The following GRID2 variants were observed in gnomAD, a reference collection of about 807,000 sequenced individuals.
The protein encoded by GRID2 is glutamate ionotropic receptor delta type subunit 2.
GRID2 carries 33 observed loss-of-function variants against 114.8 expected under a neutral mutation model. The observed-to-expected ratio is 0.29, with a 90% CI of 0.22 to 0.38. The LOEUF is 0.38. Among genes scored for constraint, GRID2 ranks in the 10% least tolerant of loss-of-function variants. The probability of loss-of-function intolerance (pLI) is 1.00; values close to 1 mark genes in which losing one functional copy is unlikely to be tolerated. For synonymous variants in GRID2, 505 were observed against 449.9 expected (o/e 1.12, Z -1.55); for missense variants, 1,184 against 1,257.7 (o/e 0.94, Z 0.89).
chr4:92,658,450 G>C (rs1732352317), intron 2 of GRID2, among the ~76,000 whole-genome samples: 1 of 151,714 alleles, frequency 6.6e-6, no homozygotes, highest in Non-Finnish European at 1.5e-5. Context: ...AATTAGATTA[G>C]CCACGCTGGT....
intron 4 of GRID2, among the ~76,000 whole-genome samples, chr4:93,190,180 GT>G (rs1220721581): frequency 2.4e-4 from 36 of 151,784 alleles, no homozygotes; most frequent in Admixed American, 6.6e-4. Context: ...TAACACTTTT[GT>G]TTTTTATTAA....
chr4:93,291,172 C>A (rs1554026481), intron 8 of GRID2, among the ~76,000 whole-genome samples: 1 of 151,534 alleles, frequency 6.6e-6, no homozygotes, highest in Non-Finnish European at 1.5e-5. Flanking sequence ...CGTGCCCGGC[C>A]GGCATACAAG....
intron 1 of GRID2, among the ~76,000 whole-genome samples, chr4:92,512,840 CT>C (rs1277848472): frequency 6.6e-6 from 1 of 151,682 alleles, no homozygotes; most frequent in Non-Finnish European, 1.5e-5. Context: ...TATAGTTATT[CT>C]TTTTACTCTG....
At chr4:92,573,578 T>G (rs1727732692) in intron 1 of GRID2, among the ~76,000 whole-genome samples, 1 of 152,218 alleles carries the variant, frequency 6.6e-6, no homozygotes, top group African/African-American at 2.4e-5. Context: ...TACCCAAAAG[T>G]CATTCAGGAG....
chr4:92,347,254 T>A (rs17317393), intron 1 of GRID2, among the ~76,000 whole-genome samples: 1 of 152,176 alleles, frequency 6.6e-6, no homozygotes. Context: ...AATATTAGGA[T>A]AGTTCAGTGT....
intron 1 of GRID2, among the ~76,000 whole-genome samples, chr4:92,522,612 G>C (rs1157267874): frequency 6.6e-6 from 1 of 151,932 alleles, no homozygotes; most frequent in Non-Finnish European, 1.5e-5. Context: ...GCTAGTAGTG[G>C]AAGTGGTGAG....
At chr4:92,790,745 T>C (rs1311359229) in intron 2 of GRID2, among the ~76,000 whole-genome samples, 1 of 150,968 alleles carries the variant, frequency 6.6e-6, no homozygotes, top group African/African-American at 2.4e-5. Flanking sequence ...AAAAAAAGTG[T>C]TTTTAAAATA....
Position 93,515,412 on chromosome 4 carries a change from G to A in GRID2, c.2193+1G>A. On this transcript the variant is annotated splice_donor_variant, in intron 13 of 15. Transcript: ENST00000282020. LOFTEE classifies it high-confidence loss of function. ...GGAGTCCCAGGCAGGCATTCAAAAG[G>A]TACTGTCCATGGTTCTCCTTTAATA... 6.3e-7 allele frequency: 1 copy of A among 1,594,728 alleles called. No homozygotes were observed. The highest frequency in any genetic ancestry group is 8.6e-7 in the Non-Finnish European group (1 of 1,163,248).
chr4:93,433,571 T>G (rs75056179), intron 10 of GRID2, among the ~76,000 whole-genome samples: 1,752 of 152,224 alleles, frequency 0.012, 19 homozygotes, highest in South Asian at 0.051. Context: ...AACAAGTATA[T>G]TTTTTGCCCA....
intron 13 of GRID2, among the ~76,000 whole-genome samples, chr4:93,536,952 A>C (rs2149521816): frequency 6.6e-6 from 1 of 151,600 alleles, no homozygotes; most frequent in African/African-American, 2.4e-5. Flanking sequence ...TTGGTGACAT[A>C]CCTCGCATTG....
chr4:93,059,548 A>T (rs1204931037), intron 2 of GRID2, among the ~76,000 whole-genome samples: 2 of 152,096 alleles, frequency 1.3e-5, no homozygotes, highest in African/African-American at 4.8e-5. Flanking sequence ...GTTAAGAGCC[A>T]CTGGACTAAT....
At chr4:92,625,558 C>T (rs1041177109) in intron 2 of GRID2, among the ~76,000 whole-genome samples, 1 of 151,790 alleles carries the variant, frequency 6.6e-6, no homozygotes, top group Non-Finnish European at 1.5e-5. Context: ...GGCTTTATAT[C>T]AAGAAAGCCT....
At position 93,349,056 on chromosome 4, in the gene GRID2, A is replaced by G. The variant is rs569382764; in HGVS notation, c.1246-46551A>G. Among the ~76,000 whole-genome samples the G allele has an allele frequency of 4.1e-4, 63 of 152,246 alleles. 1 individual carries two copies. In the South Asian group the frequency reaches 0.012, roughly 30 times the overall value. ...TTCCATTCACATCTTCGCTTGATAG[A>G]TGCAGTCAGAATGGCAGGCGAGAAA... On this transcript the variant is annotated intron_variant, in intron 8 of 15. Coordinates refer to ENST00000282020, the MANE Select transcript of GRID2 (RefSeq NM_001510.4).
At chr4:92,734,678 T>C (rs763196898) in intron 2 of GRID2, among the ~76,000 whole-genome samples, 1 of 152,114 alleles carries the variant, frequency 6.6e-6, no homozygotes, top group Non-Finnish European at 1.5e-5. Context: ...GTGATTAAAT[T>C]TAGAACATTT....
At chr4:92,386,517 G>A (rs2110250917) in intron 1 of GRID2, among the ~76,000 whole-genome samples, 1 of 151,814 alleles carries the variant, frequency 6.6e-6, no homozygotes, top group Middle Eastern at 3.4e-3. Flanking sequence ...AAGTAGCATT[G>A]TACTTACAGC....
chr4:93,573,947 A>G (rs1297954560), intron 13 of GRID2, among the ~76,000 whole-genome samples: 1 of 152,192 alleles, frequency 6.6e-6, no homozygotes, highest in Non-Finnish European at 1.5e-5. Flanking sequence ...ACAGGAAATT[A>G]TTTCAGCACT....
At chr4:92,683,445 C>G (rs1733750110) in intron 2 of GRID2, among the ~76,000 whole-genome samples, 2 of 152,128 alleles carry the variant, frequency 1.3e-5, no homozygotes, top group East Asian at 3.9e-4. Context: ...TTTACCAAGT[C>G]ATTATTATCA....
intron 1 of GRID2, among the ~76,000 whole-genome samples, chr4:92,456,689 C>T (rs947170411): frequency 1.3e-5 from 2 of 151,938 alleles, no homozygotes; most frequent in Non-Finnish European, 2.9e-5. Context: ...GACAGTTATG[C>T]CTTATGTTTG....
chr4:93,269,196 C>G (rs1345159497), intron 8 of GRID2, among the ~76,000 whole-genome samples: 1 of 152,092 alleles, frequency 6.6e-6, no homozygotes, highest in Non-Finnish European at 1.5e-5. Flanking sequence ...GATTCTTAAT[C>G]TTTTTGCACA....
Sources: gnomAD v4.1 joint callset for allele counts (sites outside exome capture counted in the v4.1 genomes callset) on GRCh38, gnomAD v4.1.1 for gene constraint, MANE v1.5 for transcripts, NCBI Gene and HGNC (gene_info 2026-07-23, HGNC 2026-07-21) for gene names.